Variants in PAIP2 observed in about 807,000 individuals in gnomAD.
PAIP2 encodes poly(A) binding protein interacting protein 2, also known as polyadenylate-binding protein-interacting protein 2.
Under a neutral mutation model 14.8 loss-of-function variants are expected in PAIP2, and 7 were observed. That is an observed-to-expected ratio of 0.47 (90% CI 0.27 to 0.89). PAIP2 has a LOEUF of 0.89. Among genes scored for constraint, PAIP2 ranks in the 40% least tolerant of loss-of-function variants. The pLI is 0.13. For synonymous variants in PAIP2, 47 were observed against 45.3 expected, an observed-to-expected ratio of 1.04 and a Z score of -0.15; for missense variants, 122 against 154.7, an observed-to-expected ratio of 0.79 and a Z score of 1.12.
At chr5:139,358,345 T>C (rs977949874) in intron 1 of PAIP2, among the ~76,000 whole-genome samples, 3 of 152,246 alleles carry the variant, frequency 2.0e-5, no homozygotes, top group Non-Finnish European at 2.9e-5. Flanking sequence ...CATATGTGTT[T>C]ACTTTTTAAG....
chr5:139,346,591 G>T (rs746029396), intron 1 of PAIP2, among the ~76,000 whole-genome samples: 1 of 151,170 alleles, frequency 6.6e-6, no homozygotes, highest in Non-Finnish European at 1.5e-5. Context: ...GAATGCAGTG[G>T]CACCATCTCA....
In PAIP2 at chr5:139,355,729, C is replaced by T. The variant is rs762790217; in HGVS notation, c.-26-8030C>T. On this transcript the variant is annotated intron_variant, in intron 1 of 3. Coordinates refer to ENST00000265192, the MANE Select transcript of PAIP2 (RefSeq NM_016480.5). ...AAAATTAATTGGGTGTGGTGGCGGG[C>T]GCCTGTAATCCCAGCTACTTGGGAG... Among the ~76,000 whole-genome samples the T allele has an allele frequency of 5.9e-5, 9 of 151,762 alleles. No individual in the cohort carries two copies. The South Asian group carries it at 8.3e-4, about 14-fold the overall frequency.
chr5:139,351,580 T>C (rs1329086539), intron 1 of PAIP2, among the ~76,000 whole-genome samples: 2 of 152,228 alleles, frequency 1.3e-5, no homozygotes, highest in East Asian at 1.9e-4. Context: ...GAATTACCTC[T>C]ATGATAGGAT....
intron 1 of PAIP2, among the ~76,000 whole-genome samples, chr5:139,346,022 A>G (rs1307392044): frequency 6.6e-6 from 1 of 152,162 alleles, no homozygotes; most frequent in Non-Finnish European, 1.5e-5. Context: ...TTCCATAGAC[A>G]ATATAAAAGG....
rs769594099 is a variant in PAIP2 at position 139,368,825 on chromosome 5, G to A, written c.*27G>A. ...TAGACGGGGCCCTCTTTTGGTGGAT[G>A]TAGCACAATTTCCACACTGTGAAGG... On this transcript the variant is annotated 3_prime_UTR_variant, in exon 4 of 4. Coordinates refer to ENST00000265192, the MANE Select transcript of PAIP2 (RefSeq NM_016480.5). The A allele has an allele frequency of 3.2e-5, 48 of 1,518,794 alleles. No individual in the cohort carries two copies. The highest frequency in any genetic ancestry group is 4.0e-5 in the Non-Finnish European group (44 of 1,093,776). The allele number at this position is 1,518,794 out of a possible 1,614,324, so 94.1% of individuals were successfully genotyped here.
chr5:139,350,800 T>C (rs1756706635), intron 1 of PAIP2, among the ~76,000 whole-genome samples: 1 of 152,114 alleles, frequency 6.6e-6, no homozygotes, highest in Admixed American at 6.6e-5. Flanking sequence ...CTCTTTCAGT[T>C]TTTGATATTG....
At chr5:139,357,439 C>T (rs182970471) in intron 1 of PAIP2, among the ~76,000 whole-genome samples, 1 of 152,242 alleles carries the variant, frequency 6.6e-6, no homozygotes, top group East Asian at 1.9e-4. Flanking sequence ...CTGTTTTTGA[C>T]AAATATGTGT....
chr5:139,355,145 A>G (rs1756869664), intron 1 of PAIP2, among the ~76,000 whole-genome samples: 2 of 149,118 alleles, frequency 1.3e-5, no homozygotes, highest in Admixed American at 1.4e-4. Context: ...TTTAAACTCC[A>G]AAATTTCTAT....
At chr5:139,357,562 G>A (rs1484558188) in intron 1 of PAIP2, among the ~76,000 whole-genome samples, 3 of 152,170 alleles carry the variant, frequency 2.0e-5, no homozygotes, top group African/African-American at 4.8e-5. Context: ...GCCAGGGGCC[G>A]TGGCTCACGC....
intron 3 of PAIP2, among the ~76,000 whole-genome samples, chr5:139,368,074 G>A (rs765130924): frequency 2.6e-5 from 4 of 152,182 alleles, no homozygotes; most frequent in African/African-American, 7.2e-5. Flanking sequence ...GGTGGCTTAC[G>A]CCTGTAATCC....
chr5:139,354,874 G>A (rs1756860870), intron 1 of PAIP2, among the ~76,000 whole-genome samples: 2 of 148,868 alleles, frequency 1.3e-5, no homozygotes, highest in South Asian at 2.1e-4. Flanking sequence ...GGGCTGGAGT[G>A]CAGTGGCGTG....
intron 3 of PAIP2, chr5:139,367,424 G>A (rs1757319156): frequency 6.6e-6 from 1 of 152,064 alleles, no homozygotes; most frequent in Non-Finnish European, 1.5e-5. Context: ...TAGAGACATA[G>A]CATAACATTG....
chr5:139,364,828 T>G, intron 3 of PAIP2, 85 bp downstream of exon 3: 1 of 860,048 alleles, frequency 1.2e-6, no homozygotes, highest in Admixed American at 2.4e-5. Flanking sequence ...TTAAGAATTC[T>G]ACATCTCTTT....
intron 1 of PAIP2, among the ~76,000 whole-genome samples, chr5:139,347,762 T>C (rs1280636749): frequency 5.3e-5 from 8 of 151,528 alleles, no homozygotes; most frequent in African/African-American, 1.5e-4. Context: ...TAAAAAACTG[T>C]GGTACATCCA....
At chr5:139,367,726 T>A (rs1237907849) in intron 3 of PAIP2, 1 of 152,238 alleles carries the variant, frequency 6.6e-6, no homozygotes, top group Non-Finnish European at 1.5e-5. Context: ...GTTACTTTAA[T>A]CATAATTTCA....
At position 139,369,461 on chromosome 5, in the gene PAIP2, A is replaced by G. The variant is rs1170696131; in HGVS notation, c.*663A>G. 1 of 151,082 alleles carries G rather than the reference A, an allele frequency of 6.6e-6. No individual in the cohort carries two copies. Among genetic ancestry groups the G allele is most frequent in the Non-Finnish European group, 1.5e-5 (1 of 67,896 alleles). 9.4% of individuals were successfully genotyped at this position (151,082 alleles called of 1,614,324 possible). On this transcript the variant is annotated 3_prime_UTR_variant, in exon 4 of 4. Transcript: ENST00000265192. ...CTGTATGGAGTCTAACATATGACCA[A>G]TACCAACCCATAATCCAGCTGAACA...
chr5:139,365,167 AAATAAAT>A (rs1403957365), intron 3 of PAIP2: 1 of 149,072 alleles, frequency 6.7e-6, no homozygotes, highest in Non-Finnish European at 1.5e-5. Flanking sequence ...ATAAATAAAT[AAATAAAT>A]AAATAAATAG....
chr5:139,350,518 C>G (rs1056574041), intron 1 of PAIP2, among the ~76,000 whole-genome samples: 9 of 151,768 alleles, frequency 5.9e-5, no homozygotes, highest in African/African-American at 2.2e-4. Flanking sequence ...GTAGTCCCAG[C>G]TACTCGGGAG....
intron 3 of PAIP2, among the ~76,000 whole-genome samples, chr5:139,365,874 T>C (rs777050224): frequency 5.3e-5 from 8 of 152,138 alleles, no homozygotes; most frequent in African/African-American, 1.2e-4. Flanking sequence ...TACTTGCCTA[T>C]ACAGAAGTAG....
Sources: gnomAD v4.1 joint callset for allele counts (sites outside exome capture counted in the v4.1 genomes callset) on GRCh38, gnomAD v4.1.1 for gene constraint, MANE v1.5 for transcripts, NCBI Gene and HGNC (gene_info 2026-07-23, HGNC 2026-07-21) for gene names.